NEK11: variants seen among roughly 807,000 people sequenced by gnomAD.
NEK11 encodes the protein serine/threonine-protein kinase Nek11.
In NEK11, 72 loss-of-function variants were observed where a neutral mutation model predicts 80.7. That is an observed-to-expected ratio of 0.89 (90% confidence interval 0.74 to 1.08). NEK11 has a LOEUF of 1.08. Among genes scored for constraint, NEK11 ranks in the 50% least tolerant of loss-of-function variants. The pLI, the probability that NEK11 is intolerant of heterozygous loss-of-function variation, is 0.00. For synonymous variants in NEK11, 251 were observed against 260.7 expected (o/e 0.96, Z 0.36); for missense variants, 764 against 763.6 (o/e 1.00, Z -0.01).
chr3:131,087,898 C>G (rs1157057803), intron 4 of NEK11: 3 of 152,210 alleles, frequency 2.0e-5, no homozygotes, highest in African/African-American at 7.2e-5. Flanking sequence ...CCACCACCCC[C>G]CAGAATTGGT....
intron 17 of NEK11, among the ~76,000 whole-genome samples, chr3:131,279,305 G>A (rs986445010): frequency 2.6e-5 from 4 of 152,028 alleles, no homozygotes; most frequent in African/African-American, 7.2e-5. Context: ...CTGAGATCAC[G>A]CCATTGCACT....
chr3:131,331,885 A>T (rs1442912337), intron 17 of NEK11, among the ~76,000 whole-genome samples: 2 of 152,202 alleles, frequency 1.3e-5, no homozygotes, highest in Admixed American at 1.3e-4. Flanking sequence ...CTGAGATCAA[A>T]CTGCAAGGCG....
chr3:131,299,435 A>G (rs1581605657), intron 17 of NEK11, among the ~76,000 whole-genome samples: 1 of 151,982 alleles, frequency 6.6e-6, no homozygotes, highest in African/African-American at 2.4e-5. Context: ...CAAGTGATCC[A>G]CCTGCCTCAG....
chr3:131,295,785 G>T (rs2096586975), intron 17 of NEK11, among the ~76,000 whole-genome samples: 1 of 151,898 alleles, frequency 6.6e-6, no homozygotes, highest in African/African-American at 2.4e-5. Flanking sequence ...TTTAGTGGTT[G>T]CCCTAGAATT....
chr3:131,273,708 C>A, intron 17 of NEK11, 134 bp downstream of exon 17: 1 of 614,300 alleles, frequency 1.6e-6, no homozygotes, highest in Non-Finnish European at 2.9e-6. Flanking sequence ...TAAGCTGTTC[C>A]AACTTAGAAA....
rs193181176 is a variant in NEK11, at chr3:131,034,965, G to T, written c.170+5087G>T. ...ATTTTCCCCTTGGTCCTATCCAAGT[G>T]CGTATCCAAATATTTTACCCCTTAA... On this transcript the variant is annotated intron_variant, in intron 3 of 17. Coordinates refer to ENST00000383366, the MANE Select transcript of NEK11 (RefSeq NM_024800.5). Among the ~76,000 whole-genome samples, 14 of 152,264 alleles carry T rather than the reference G, an allele frequency of 9.2e-5. No individual in the cohort carries two copies. The East Asian group carries it at 2.5e-3, about 27-fold the overall frequency.
rs143794790 is a variant in NEK11, at chr3:131,214,836, A to C, written c.1400-13692A>C. ...TATATAAAAAACAGTACTGTACTGTACTTAATTTAGCCCTCCAGAAAGGGT... is the reference window on the plus strand; with the variant it reads ...TATATAAAAAACAGTACTGTACTGTCCTTAATTTAGCCCTCCAGAAAGGGT... On this transcript the variant is annotated intron_variant, in intron 14 of 17. Transcript: ENST00000383366. Among the ~76,000 whole-genome samples the C allele has an allele frequency of 5.0e-3, 757 of 152,248 alleles. 11 individuals are homozygous for C. The highest frequency in any genetic ancestry group is 0.018 in the African/African-American group (728 of 41,550).
At position 131,274,155 on chromosome 3, in the gene NEK11, G is replaced by C. The variant is rs535345503; in HGVS notation, c.1718+581G>C. ...CCCAGAGTGTGATATTCCCCTTCCT[G>C]TGTCCATGTGATCTCATTGTTCAAT... On this transcript the variant is annotated intron_variant, in intron 17 of 17. Coordinates refer to ENST00000383366, the MANE Select transcript of NEK11 (RefSeq NM_024800.5). Among the ~76,000 whole-genome samples, 39 of 129,844 alleles carry C rather than the reference G, an allele frequency of 3.0e-4. No homozygotes were observed. The South Asian group carries it at 6.6e-3, about 22-fold the overall frequency. 85.2% of individuals were successfully genotyped at this position (129,844 alleles called of 152,430 possible).
chr3:131,248,902 T>A (rs1206753780), intron 16 of NEK11, among the ~76,000 whole-genome samples: 4 of 152,146 alleles, frequency 2.6e-5, no homozygotes, highest in African/African-American at 9.6e-5. Context: ...GTTTTATAAA[T>A]TGAATTTCTA....
At chr3:131,202,486 C>T (rs553785592) in intron 14 of NEK11, among the ~76,000 whole-genome samples, 1 of 152,278 alleles carries the variant, frequency 6.6e-6, no homozygotes, top group South Asian at 2.1e-4. Context: ...TGGAGCCTTC[C>T]TCACTGCTAG....
intron 5 of NEK11, among the ~76,000 whole-genome samples, chr3:131,121,875 A>G (rs1217879372): frequency 6.6e-6 from 1 of 152,156 alleles, no homozygotes; most frequent in Non-Finnish European, 1.5e-5. Flanking sequence ...CTTTCCAGGT[A>G]CCATCTGTCA....
intron 4 of NEK11, among the ~76,000 whole-genome samples, chr3:131,085,543 C>A (rs566710133): frequency 1.1e-3 from 168 of 152,218 alleles, no homozygotes; most frequent in Non-Finnish European, 1.7e-3. Context: ...GAAATGACTT[C>A]TGACCATGGG....
intron 17 of NEK11, among the ~76,000 whole-genome samples, chr3:131,310,410 G>A (rs540218766): frequency 1.3e-5 from 2 of 152,254 alleles, no homozygotes; most frequent in South Asian, 2.1e-4. Context: ...TGATTAATAC[G>A]AGGTGATTAC....
intron 4 of NEK11, 146 bp downstream of exon 4, chr3:131,080,734 G>A (rs1013249764): frequency 2.3e-5 from 16 of 685,814 alleles, no homozygotes; most frequent in Non-Finnish European, 2.6e-5. Context: ...AGCTAAGAAT[G>A]ATTATCTGTA....
chr3:131,336,646 C>G (rs2097189708), intron 17 of NEK11, among the ~76,000 whole-genome samples: 3 of 152,128 alleles, frequency 2.0e-5, no homozygotes, highest in African/African-American at 7.2e-5. Flanking sequence ...AGAGCTTCTG[C>G]ACAGCAAAAG....
chr3:131,075,561 A>T (rs555622293), intron 3 of NEK11, among the ~76,000 whole-genome samples: 1 of 152,284 alleles, frequency 6.6e-6, no homozygotes, highest in Non-Finnish European at 1.5e-5. Context: ...TATATATCAT[A>T]TTAAAAGAGA....
intron 4 of NEK11, among the ~76,000 whole-genome samples, chr3:131,098,071 A>G (rs967410914): frequency 6.8e-6 from 1 of 147,498 alleles, no homozygotes; most frequent in African/African-American, 2.4e-5. Flanking sequence ...TCCCTATTTA[A>G]TAAATGGTTC....
At chr3:131,259,763 G>C (rs1004823206) in intron 16 of NEK11, among the ~76,000 whole-genome samples, 7 of 152,130 alleles carry the variant, frequency 4.6e-5, no homozygotes, top group Non-Finnish European at 8.8e-5. Flanking sequence ...ATGATTTGGG[G>C]GAAGGCAGCT....
At chr3:131,268,617 A>G (rs1036110042) in intron 16 of NEK11, among the ~76,000 whole-genome samples, 2 of 152,194 alleles carry the variant, frequency 1.3e-5, no homozygotes, top group African/African-American at 4.8e-5. Flanking sequence ...AACAGCAGCA[A>G]TTGCTGCCTG....
Sources: allele counts gnomAD v4.1 joint callset (sites outside exome capture counted in the v4.1 genomes callset), GRCh38; gene constraint gnomAD v4.1.1; transcripts MANE v1.5; gene names NCBI Gene and HGNC (gene_info 2026-07-23, HGNC 2026-07-21).